Variants in LIMS1 observed in about 807,000 individuals in gnomAD.
LIMS1 encodes the protein LIM and senescent cell antigen-like-containing domain protein 1.
In LIMS1, 18 loss-of-function variants were observed where a neutral mutation model predicts 44.1. The observed-to-expected ratio is 0.41, with a 90% CI of 0.28 to 0.61. LIMS1 has a LOEUF of 0.61. Among genes scored for constraint, LIMS1 ranks in the 20% least tolerant of loss-of-function variants. LIMS1 has a pLI of 0.32. For missense variants in LIMS1, 201 were observed against 422.0 expected (o/e 0.48, Z 4.59); for synonymous variants, 93 against 149.1 (o/e 0.62, Z 2.74).
intron 1 of LIMS1, among the ~76,000 whole-genome samples, chr2:108,537,967 A>C (rs1312068439): frequency 6.6e-6 from 1 of 152,188 alleles, no homozygotes; most frequent in African/African-American, 2.4e-5. Flanking sequence ...TCTTTGGATA[A>C]TCATTTAAAT....
chr2:108,594,343 T>G (rs1432075382), intron 1 of LIMS1, among the ~76,000 whole-genome samples: 2 of 152,162 alleles, frequency 1.3e-5, no homozygotes, highest in African/African-American at 4.8e-5. Context: ...AGCTACTGAA[T>G]GCACCCACAG....
intron 1 of LIMS1, among the ~76,000 whole-genome samples, chr2:108,627,400 GTTTTTT>G (rs58261864): frequency 2.8e-5 from 3 of 107,056 alleles, no homozygotes; most frequent in Non-Finnish European, 1.9e-5. Context: ...TCCCTTTCTG[GTTTTTT>G]TTTTTTTTTT....
intron 1 of LIMS1, among the ~76,000 whole-genome samples, chr2:108,600,865 A>C (rs13029720): frequency 6.8e-6 from 1 of 147,138 alleles, no homozygotes; most frequent in Non-Finnish European, 1.5e-5. Context: ...TGTTTTGTGA[A>C]TCCACATAAA....
At chr2:108,597,069 C>G (rs573777181) in intron 1 of LIMS1, among the ~76,000 whole-genome samples, 1 of 151,204 alleles carries the variant, frequency 6.6e-6, no homozygotes, top group Non-Finnish European at 1.5e-5. Context: ...CCACCACACC[C>G]AGCTGATTTT....
At chr2:108,536,916 C>G (rs1212852963) in intron 1 of LIMS1, among the ~76,000 whole-genome samples, 2 of 152,144 alleles carry the variant, frequency 1.3e-5, no homozygotes, top group African/African-American at 4.8e-5. Context: ...GTAACTTTTC[C>G]TTTTCTGGGA....
chr2:108,578,131 G>T (rs565472850), intron 1 of LIMS1, among the ~76,000 whole-genome samples: 1 of 152,100 alleles, frequency 6.6e-6, no homozygotes, highest in East Asian at 1.9e-4. Flanking sequence ...GGCTGGTCTC[G>T]AACTCCTGAC....
At chr2:108,626,947 A>G (rs1411661007) in intron 1 of LIMS1, among the ~76,000 whole-genome samples, 1 of 152,246 alleles carries the variant, frequency 6.6e-6, no homozygotes, top group Non-Finnish European at 1.5e-5. Context: ...CAAACATGAC[A>G]GTGGTCTCTT....
chr2:108,553,419 C>T lies in LIMS1; in HGVS notation c.32+18825C>T, dbSNP rs115051669. Among the ~76,000 whole-genome samples the T allele has an allele frequency of 4.0e-3, 613 of 152,178 alleles. 3 individuals are homozygous for T. The highest frequency in any genetic ancestry group is 0.014 in the African/African-American group (587 of 41,506). ...GCTTTATGCTTGGCAGGAGTAAGTG[C>T]GGGTCATAATAGAAGCTTTTTAGCA... On this transcript the variant is annotated intron_variant, in intron 1 of 9. Coordinates refer to ENST00000544547, the Ensembl canonical transcript of LIMS1.
At chr2:108,550,512 T>TA (rs199522503) in intron 1 of LIMS1, among the ~76,000 whole-genome samples, 358 of 135,378 alleles carry the variant, frequency 2.6e-3, no homozygotes, top group Admixed American at 5.7e-3. Context: ...AAAATAATAA[T>TA]AAAAAAAAAT....
At chr2:108,541,712 C>T (rs1416285715) in intron 1 of LIMS1, among the ~76,000 whole-genome samples, 3 of 152,162 alleles carry the variant, frequency 2.0e-5, no homozygotes, top group African/African-American at 4.8e-5. Flanking sequence ...TGATTTCCTG[C>T]CTCAGTGCTG....
At chr2:108,581,135 T>C (rs1685866670) in intron 1 of LIMS1, among the ~76,000 whole-genome samples, 1 of 152,204 alleles carries the variant, frequency 6.6e-6, no homozygotes. Flanking sequence ...GAAGTTAAAA[T>C]GAAGACCAGG....
intron 1 of LIMS1, among the ~76,000 whole-genome samples, chr2:108,536,976 TAGTTTTTTGAGAAACTGAC>T (rs1440134533): frequency 1.3e-5 from 2 of 152,238 alleles, no homozygotes; most frequent in African/African-American, 4.8e-5. Context: ...ATCGTATGTT[TAGTTTTTTGAGAAACTGAC>T]AGTTTTTTTC....
chr2:108,609,015 A>G (rs1687435366), intron 1 of LIMS1, among the ~76,000 whole-genome samples: 1 of 152,204 alleles, frequency 6.6e-6, no homozygotes, highest in African/African-American at 2.4e-5. Context: ...TGAAAGAAGT[A>G]GGGACAATAG....
chr2:108,539,367 G>A (rs567797474), intron 1 of LIMS1, among the ~76,000 whole-genome samples: 3 of 152,190 alleles, frequency 2.0e-5, no homozygotes, highest in Non-Finnish European at 4.4e-5. Context: ...TTACAGGCGC[G>A]AGCCACTGCA....
intron 1 of LIMS1, among the ~76,000 whole-genome samples, chr2:108,585,447 A>G (rs1227097181): frequency 6.6e-6 from 1 of 151,982 alleles, no homozygotes; most frequent in Non-Finnish European, 1.5e-5. Flanking sequence ...AGTTTATTTT[A>G]GGCATCATGA....
intron 9 of LIMS1, among the ~76,000 whole-genome samples, chr2:108,682,531 G>C (rs987171782): frequency 6.6e-6 from 1 of 151,972 alleles, no homozygotes; most frequent in Non-Finnish European, 1.5e-5. Context: ...ATTAAAACTG[G>C]AAAGCTTGCT....
intron 1 of LIMS1, among the ~76,000 whole-genome samples, chr2:108,605,944 G>A (rs575368768): frequency 1.3e-5 from 2 of 152,364 alleles, no homozygotes; most frequent in African/African-American, 4.8e-5. Context: ...AGCAGCAGTT[G>A]TATGGGCAGT....
At chr2:108,568,678 A>T (rs1303460230) in intron 1 of LIMS1, among the ~76,000 whole-genome samples, 1 of 152,122 alleles carries the variant, frequency 6.6e-6, no homozygotes, top group Non-Finnish European at 1.5e-5. Context: ...ATCCCCACCT[A>T]CATTTGTTAT....
intron 2 of LIMS1, among the ~76,000 whole-genome samples, chr2:108,666,111 C>G (rs920429210): frequency 2.0e-5 from 3 of 152,116 alleles, no homozygotes; most frequent in African/African-American, 7.2e-5. Context: ...CCCACACTAT[C>G]TACCTGGAGA....
Sources: allele counts gnomAD v4.1 joint callset (sites outside exome capture counted in the v4.1 genomes callset), GRCh38; gene constraint gnomAD v4.1.1; transcripts MANE v1.5; gene names NCBI Gene and HGNC (gene_info 2026-07-23, HGNC 2026-07-21).